PTPRG: variants seen among roughly 807,000 people sequenced by gnomAD.
The protein encoded by PTPRG is receptor-type tyrosine-protein phosphatase gamma.
A neutral mutation model predicts 165.3 loss-of-function variants in PTPRG; 102 were observed. That is an observed-to-expected ratio of 0.62 (90% CI 0.53 to 0.73). The LOEUF (loss-of-function observed/expected upper bound fraction) is 0.73, where lower values mean the gene tolerates loss of function less well. PTPRG is among the 30% of genes least tolerant of loss of function. The probability of loss-of-function intolerance (pLI) is 0.00; values close to 1 mark genes in which losing one functional copy is unlikely to be tolerated. For missense variants in PTPRG, 1,866 were observed against 1,861.4 expected (o/e 1.00, Z -0.05); for synonymous variants, 675 against 669.5 (o/e 1.01, Z -0.13).
At chr3:62,020,048 TTTCTGTTGATCATAGA>T (rs1241458259) in intron 4 of PTPRG, among the ~76,000 whole-genome samples, 1 of 152,128 alleles carries the variant, frequency 6.6e-6, no homozygotes, top group Non-Finnish European at 1.5e-5. Context: ...TAGGTACCAT[TTTCTGTTGATCATAGA>T]TTCTGTTGAT....
At chr3:61,588,959 C>A (rs556495141) in intron 1 of PTPRG, among the ~76,000 whole-genome samples, 2 of 152,112 alleles carry the variant, frequency 1.3e-5, no homozygotes, top group African/African-American at 2.4e-5. Flanking sequence ...ATTTATTGAT[C>A]TCTCCATAGC....
At position 61,562,145 on chromosome 3, in the gene PTPRG, GACT is replaced by G; in HGVS notation, c.-142_-140del. The G allele has an allele frequency of 1.5e-6, 1 of 681,060 alleles. No homozygotes were observed. 42.2% of individuals were successfully genotyped at this position (681,060 alleles called of 1,614,324 possible). ...TCGGCGGCTTCCCGGATTCCAAGGG[GACT>G]CGGGCCGCCGAGCGCGGGGGGCCCG... On this transcript the variant is annotated 5_prime_UTR_variant, in exon 1 of 30. Coordinates refer to ENST00000474889, the MANE Select transcript of PTPRG (RefSeq NM_002841.4).
chr3:62,244,559 G>T (rs370508706), intron 15 of PTPRG, among the ~76,000 whole-genome samples: 15 of 152,032 alleles, frequency 9.9e-5, no homozygotes, highest in Non-Finnish European at 2.1e-4. Flanking sequence ...TTCCAAATAC[G>T]TATCTTCAGA....
At chr3:61,675,962 A>T (rs1191261196) in intron 1 of PTPRG, among the ~76,000 whole-genome samples, 1 of 152,208 alleles carries the variant, frequency 6.6e-6, no homozygotes, top group African/African-American at 2.4e-5. Flanking sequence ...ATTGTTAGAT[A>T]CGTCTGTTCT....
chr3:62,075,388 C>T (rs1182324550), intron 4 of PTPRG, among the ~76,000 whole-genome samples: 1 of 152,152 alleles, frequency 6.6e-6, no homozygotes, highest in African/African-American at 2.4e-5. Flanking sequence ...CAAAGCAATT[C>T]ACCTAATATT....
rs532618870 is a variant in PTPRG at position 61,854,701 on chromosome 3, G to A, written c.190+105719G>A. Among the ~76,000 whole-genome samples the A allele has an allele frequency of 1.5e-4, 23 of 152,296 alleles. 1 individual carries two copies. Among genetic ancestry groups the A allele is most frequent in the Middle Eastern group, 3.4e-3 (1 of 294 alleles). ...AAGGTCTTTTCCCGTAAGAAGAGCA[G>A]TCTCATGTGAGTGGGCAATACTTAC... On this transcript the variant is annotated intron_variant, in intron 2 of 29. Transcript: ENST00000474889.
At chr3:61,887,634 A>C (rs1021532804) in intron 2 of PTPRG, among the ~76,000 whole-genome samples, 1 of 152,022 alleles carries the variant, frequency 6.6e-6, no homozygotes, top group Admixed American at 6.6e-5. Context: ...CAGTAATCAC[A>C]TTACGTGGTT....
At chr3:62,152,773 C>T (rs887398007) in intron 6 of PTPRG, among the ~76,000 whole-genome samples, 1 of 152,072 alleles carries the variant, frequency 6.6e-6, no homozygotes, top group Non-Finnish European at 1.5e-5. Flanking sequence ...TAGCATAATT[C>T]CCCCCACCCC....
chr3:62,012,309 G>A (rs1373557494), intron 4 of PTPRG, among the ~76,000 whole-genome samples: 1 of 152,092 alleles, frequency 6.6e-6, no homozygotes, highest in Non-Finnish European at 1.5e-5. Flanking sequence ...GGTTTTATTA[G>A]GTAAGTAATT....
intron 1 of PTPRG, among the ~76,000 whole-genome samples, chr3:61,632,350 AGAG>A (rs933407992): frequency 2.0e-5 from 3 of 152,176 alleles, no homozygotes; most frequent in Non-Finnish European, 4.4e-5. Context: ...TCTATAGTCT[AGAG>A]GAAGTTATAA....
chr3:62,124,069 T>C lies in PTPRG; in HGVS notation c.616-8533T>C, dbSNP rs560603166. 6.2e-5 allele frequency: 32 copies of C among 517,266 alleles called. No homozygotes were observed. The South Asian group carries it at 8.6e-4, about 14-fold the overall frequency. The allele number at this position is 517,266 out of a possible 1,614,324, so 32.0% of individuals were successfully genotyped here. On this transcript the variant is annotated intron_variant, in intron 5 of 29. Coordinates refer to ENST00000474889, the MANE Select transcript of PTPRG (RefSeq NM_002841.4). ...ATCATTCTTAGTTTTCCTTCCCTTT[T>C]TTTTTTCTTTTTAAAAAGGTCCATT...
intron 1 of PTPRG, among the ~76,000 whole-genome samples, chr3:61,643,273 G>A (rs997441066): frequency 6.6e-6 from 1 of 150,410 alleles, no homozygotes; most frequent in Non-Finnish European, 1.5e-5. Flanking sequence ...GAGAGAGAGA[G>A]AGAAAGAGAG....
At chr3:61,845,162 T>A (rs1040349610) in intron 2 of PTPRG, among the ~76,000 whole-genome samples, 2 of 152,208 alleles carry the variant, frequency 1.3e-5, no homozygotes, top group African/African-American at 4.8e-5. Flanking sequence ...TTTCATGTTC[T>A]TCTTTTGTGT....
intron 26 of PTPRG, among the ~76,000 whole-genome samples, chr3:62,281,313 A>G (rs982974803): frequency 6.6e-5 from 10 of 151,972 alleles, no homozygotes; most frequent in African/African-American, 2.2e-4. Context: ...TAAGTCCCCT[A>G]TAGTGGGAGT....
intron 8 of PTPRG, among the ~76,000 whole-genome samples, chr3:62,171,133 G>T (rs1236946058): frequency 6.6e-6 from 1 of 152,150 alleles, no homozygotes; most frequent in Non-Finnish European, 1.5e-5. Context: ...AAAGCCCATT[G>T]TGTGATTATA....
intron 4 of PTPRG, among the ~76,000 whole-genome samples, chr3:62,063,480 A>G (rs1219972311): frequency 2.0e-5 from 3 of 152,188 alleles, no homozygotes; most frequent in African/African-American, 7.2e-5. Context: ...GAGCAAAGAT[A>G]CGGTCTGAGA....
chr3:62,099,791 A>AT (rs1379766555), intron 5 of PTPRG, among the ~76,000 whole-genome samples: 19 of 133,958 alleles, frequency 1.4e-4, no homozygotes, highest in Admixed American at 3.2e-4. Flanking sequence ...TAAGTGTTAA[A>AT]TCTTTTTTTT....
chr3:61,856,822 TGAG>T (rs1319248668), intron 2 of PTPRG, among the ~76,000 whole-genome samples: 6 of 152,214 alleles, frequency 3.9e-5, no homozygotes, highest in Non-Finnish European at 8.8e-5. Flanking sequence ...GAAAGTCTTA[TGAG>T]GAGGACTGGA....
intron 2 of PTPRG, among the ~76,000 whole-genome samples, chr3:61,815,883 CTAGAATGGACCTCTCATTATTTTCA>C (rs1559627480): frequency 6.6e-6 from 1 of 152,160 alleles, no homozygotes; most frequent in African/African-American, 2.4e-5. Flanking sequence ...TTTGGAAATT[CTAGAATGGACCTCTCATTATTTTCA>C]TTTTTATTTC....
Sources: gnomAD v4.1 joint callset for allele counts (sites outside exome capture counted in the v4.1 genomes callset) on GRCh38, gnomAD v4.1.1 for gene constraint, MANE v1.5 for transcripts, NCBI Gene and HGNC (gene_info 2026-07-23, HGNC 2026-07-21) for gene names.